Variants in PCDH7 observed in about 807,000 individuals in gnomAD.
The protein encoded by PCDH7 is protocadherin-7.
In PCDH7, 17 loss-of-function variants were observed where a neutral mutation model predicts 58.9. The observed-to-expected ratio is 0.29, with a 90% CI of 0.20 to 0.43. The LOEUF (loss-of-function observed/expected upper bound fraction) is 0.43. Ranked by LOEUF, PCDH7 falls within the 20% of genes least tolerant of loss-of-function variation. The probability of loss-of-function intolerance (pLI) is 1.00; values close to 1 mark genes in which losing one functional copy is unlikely to be tolerated. For synonymous variants in PCDH7, 664 were observed against 616.4 expected, an observed-to-expected ratio of 1.08 and a Z score of -1.14; for missense variants, 1,274 against 1,441.0, an observed-to-expected ratio of 0.88 and a Z score of 1.88.
chr4:30,726,801 G>T (rs1714672504), intron 1 of PCDH7, among the ~76,000 whole-genome samples: 1 of 151,934 alleles, frequency 6.6e-6, no homozygotes, highest in Non-Finnish European at 1.5e-5. Flanking sequence ...AATGTAATTA[G>T]TAATAGTAAT....
intron 1 of PCDH7, among the ~76,000 whole-genome samples, chr4:30,874,034 G>A (rs1195716334): frequency 6.6e-6 from 1 of 151,944 alleles, no homozygotes; most frequent in Non-Finnish European, 1.5e-5. Flanking sequence ...TCATTAAAAA[G>A]TCAGGAAACA....
intron 1 of PCDH7, among the ~76,000 whole-genome samples, chr4:30,871,972 G>A (rs565525221): frequency 1.3e-3 from 203 of 151,912 alleles, no homozygotes; most frequent in Non-Finnish European, 2.3e-3. Context: ...CATTTTCTTC[G>A]GACACTAGTC....
At chr4:31,020,429 C>T (rs1414770107) in intron 3 of PCDH7, among the ~76,000 whole-genome samples, 1 of 152,158 alleles carries the variant, frequency 6.6e-6, no homozygotes, top group Admixed American at 6.5e-5. Context: ...GTGTTTGTGT[C>T]TGATATGAGT....
intron 1 of PCDH7, among the ~76,000 whole-genome samples, chr4:30,891,759 A>C (rs1738630947): frequency 8.3e-6 from 1 of 121,100 alleles, no homozygotes; most frequent in Admixed American, 9.0e-5. Flanking sequence ...TGATTCTCTG[A>C]GGGTTGTTTT....
intron 1 of PCDH7, among the ~76,000 whole-genome samples, chr4:30,893,030 T>C (rs922715167): frequency 2.0e-5 from 3 of 152,098 alleles, no homozygotes; most frequent in Non-Finnish European, 4.4e-5. Flanking sequence ...CTGACTGTCA[T>C]ATTGGAGTGT....
At chr4:30,733,631 T>G (rs1174004471), downstream of PCDH7, among the ~76,000 whole-genome samples, 1 of 152,114 alleles carries the variant, frequency 6.6e-6, no homozygotes, top group Non-Finnish European at 1.5e-5. Context: ...CTTCTTAAAC[T>G]TCAAAGCATT....
rs769038247 is a variant in PCDH7, at chr4:30,721,507, G to T, written c.85G>T (p.Ala29Ser). The T allele has an allele frequency of 1.9e-6, 3 of 1,599,196 alleles. No homozygotes were observed. The highest frequency in any genetic ancestry group is 2.5e-6 in the Non-Finnish European group (3 of 1,178,426). ...CCTGCCGCTCTCGCTCAGCCTGGCG[G>T]CCGCCAAGCAGCTCCTCCGGTACCG... The change falls in exon 1 of 2, where the codon GCC becomes TCC. Residue 29 changes from alanine to serine, a missense_variant. Around this residue, in one of 3 missense-constraint regions of PCDH7, gnomAD observed 212 missense variants for 255.8 expected, o/e 0.83. Coordinates refer to ENST00000361762, the Ensembl canonical transcript of PCDH7. The surrounding 1 kb of genome is among the most constrained non-coding windows in gnomAD (Gnocchi z 6.7).
At chr4:30,974,678 C>A (rs1343054493) in intron 3 of PCDH7, among the ~76,000 whole-genome samples, 2 of 152,158 alleles carry the variant, frequency 1.3e-5, no homozygotes, top group East Asian at 1.9e-4. Context: ...TATTTTATAA[C>A]CTCCTTTGGA....
intron 1 of PCDH7, among the ~76,000 whole-genome samples, chr4:30,906,336 G>A (rs1258877438): frequency 6.6e-6 from 1 of 152,118 alleles, no homozygotes; most frequent in African/African-American, 2.4e-5. Flanking sequence ...AAAGTTGAAG[G>A]TATTAATGCT....
chr4:31,108,455 C>G (rs1346469981), intron 3 of PCDH7, among the ~76,000 whole-genome samples: 1 of 138,678 alleles, frequency 7.2e-6, no homozygotes, highest in Non-Finnish European at 1.5e-5. Flanking sequence ...AAACGAGTGC[C>G]AAAAGATTGA....
intron 3 of PCDH7, among the ~76,000 whole-genome samples, chr4:31,139,008 A>G (rs1719945000): frequency 6.6e-6 from 1 of 151,854 alleles, no homozygotes; most frequent in South Asian, 2.1e-4. Context: ...AAAAAACTCT[A>G]CTTTCAAGAG....
chr4:31,046,824 A>G (rs1335344234), intron 3 of PCDH7, among the ~76,000 whole-genome samples: 1 of 152,046 alleles, frequency 6.6e-6, no homozygotes, highest in Non-Finnish European at 1.5e-5. Context: ...TTTTGCAAAT[A>G]CCACTTAAAA....
intron 3 of PCDH7, among the ~76,000 whole-genome samples, chr4:31,079,058 G>T (rs975645333): frequency 2.0e-5 from 3 of 151,270 alleles, no homozygotes; most frequent in African/African-American, 4.9e-5. Context: ...TAAATTCCAG[G>T]GGTATTAAAC....
chr4:30,781,875 C>T (rs772300831), intron 1 of PCDH7, among the ~76,000 whole-genome samples: 18 of 152,078 alleles, frequency 1.2e-4, no homozygotes, highest in Non-Finnish European at 2.2e-4. Flanking sequence ...GTGGTTGACT[C>T]GCTGACTAAA....
intron 1 of PCDH7, among the ~76,000 whole-genome samples, chr4:30,750,844 G>A (rs1451725233): frequency 6.6e-6 from 1 of 151,964 alleles, no homozygotes; most frequent in African/African-American, 2.4e-5. Flanking sequence ...AACACTTGGA[G>A]CATTTATATA....
chr4:31,128,176 T>C (rs16867990), intron 3 of PCDH7, among the ~76,000 whole-genome samples: 1 of 151,514 alleles, frequency 6.6e-6, no homozygotes, highest in South Asian at 2.1e-4. Flanking sequence ...GACACACATA[T>C]AAAAGTCTGA....
At chr4:31,017,451 C>A (rs1753705249) in intron 3 of PCDH7, among the ~76,000 whole-genome samples, 1 of 152,118 alleles carries the variant, frequency 6.6e-6, no homozygotes, top group African/African-American at 2.4e-5. Context: ...CAGTTCCCTG[C>A]ACATAATGCC....
chr4:31,040,374 T>A (rs947933607), intron 3 of PCDH7, among the ~76,000 whole-genome samples: 1 of 152,184 alleles, frequency 6.6e-6, no homozygotes, highest in African/African-American at 2.4e-5. Context: ...TGATGTAAAC[T>A]TTATCTGGCT....
At chr4:31,056,476 A>AGAAT (rs1757213882) in intron 3 of PCDH7, among the ~76,000 whole-genome samples, 1 of 137,324 alleles carries the variant, frequency 7.3e-6, no homozygotes, top group Admixed American at 7.4e-5. Flanking sequence ...AAAGAAAGAA[A>AGAAT]GAAAGAAAGA....
Sources: allele counts gnomAD v4.1 joint callset (sites outside exome capture counted in the v4.1 genomes callset), GRCh38; gene constraint gnomAD v4.1.1; regional missense constraint gnomAD v4.1.1; non-coding constraint Gnocchi (gnomAD v3.1); transcripts MANE v1.5; gene names NCBI Gene and HGNC (gene_info 2026-07-23, HGNC 2026-07-21).